Variants in TRAK1 observed in about 807,000 individuals in gnomAD.
TRAK1 encodes the protein trafficking kinesin protein 1, also known as trafficking kinesin-binding protein 1.
TRAK1 carries 33 observed loss-of-function variants against 92.1 expected under a neutral mutation model. The observed-to-expected ratio is 0.36, with a 90% CI of 0.27 to 0.48. The LOEUF (loss-of-function observed/expected upper bound fraction) is 0.48, where lower values mean the gene tolerates loss of function less well. Among genes scored for constraint, TRAK1 ranks in the 20% least tolerant of loss-of-function variants. The pLI is 0.99. For missense variants in TRAK1, 1,123 were observed against 1,257.9 expected (o/e 0.89, Z 1.62); for synonymous variants, 521 against 517.3 (o/e 1.01, Z -0.10).
intron 1 of TRAK1, among the ~76,000 whole-genome samples, chr3:42,065,901 A>T (rs922575129): frequency 1.3e-5 from 2 of 152,128 alleles, no homozygotes; most frequent in African/African-American, 4.8e-5. Flanking sequence ...AAGTGCTGGG[A>T]TTATAGGCTT....
At chr3:42,122,789 G>A (rs1001428249) in intron 1 of TRAK1, among the ~76,000 whole-genome samples, 13 of 152,134 alleles carry the variant, frequency 8.5e-5, no homozygotes, top group African/African-American at 3.1e-4. Flanking sequence ...GCTCTGCCTG[G>A]GGGAGGACAT....
At chr3:42,180,658 G>T (rs990585123) in intron 3 of TRAK1, among the ~76,000 whole-genome samples, 50 of 131,794 alleles carry the variant, frequency 3.8e-4, no homozygotes, top group African/African-American at 1.4e-3. Context: ...CGGCCTAGGC[G>T]ATAGAGTGAG....
At chr3:42,089,628 AC>A (rs995341943), upstream of TRAK1, among the ~76,000 whole-genome samples, 1 of 144,506 alleles carries the variant, frequency 6.9e-6, no homozygotes, top group African/African-American at 2.5e-5. Context: ...TATCCTTATG[AC>A]CCCCTCTTCC....
chr3:42,201,874 GGACA>G lies in TRAK1; in HGVS notation c.1428-558_1428-555del, dbSNP rs1431847691. Among the ~76,000 whole-genome samples, 509 of 51,820 alleles carry G rather than the reference GGACA, an allele frequency of 9.8e-3. 4 individuals carry two copies. Among genetic ancestry groups the G allele is most frequent in the African/African-American group, 0.037 (477 of 12,722 alleles). The allele number at this position is 51,820 out of a possible 152,430, so 34.0% of individuals were successfully genotyped here. On this transcript the variant is annotated intron_variant, in intron 12 of 15. Transcript: ENST00000327628. Reference sequence around the variant, plus strand: ...AACCTGGACGGACGGACGGACGGACGGACAGACGGACACACACACACACACACAC... The same window carrying G: ...AACCTGGACGGACGGACGGACGGACGGACGGACACACACACACACACACAC...
chr3:42,188,145 C>A lies in TRAK1; in HGVS notation c.581C>A (p.Pro194Gln), dbSNP rs760062464. ...GAGCCCGAGTCCGTTTGCTCAACCCCGTAAGTCACCAGAGGGCTGTATTTC... is the reference window on the plus strand; with the variant it reads ...GAGCCCGAGTCCGTTTGCTCAACCCAGTAAGTCACCAGAGGGCTGTATTTC... ...ESEPESVCSTPLKRNESSSSV... is the reference protein window; with the variant it reads ...ESEPESVCSTQLKRNESSSSV... The change falls in exon 5 of 16, where the codon CCG becomes CAG. Residue 194 changes from proline (P) to glutamine (Q), a missense_variant and splice_region_variant. Transcript: ENST00000327628. 6.2e-7 allele frequency: 1 copy of A among 1,614,006 alleles called. No individual in the cohort carries two copies. The highest frequency in any genetic ancestry group is 8.5e-7 in the Non-Finnish European group (1 of 1,179,966).
chr3:42,035,745 C>T (rs1006621733), intron 1 of TRAK1, among the ~76,000 whole-genome samples: 1 of 152,212 alleles, frequency 6.6e-6, no homozygotes. Context: ...TTCGGGAGCT[C>T]CCCATGGGGC....
intron 1 of TRAK1, among the ~76,000 whole-genome samples, chr3:42,022,735 C>A (rs73075252): frequency 0.021 from 405 of 19,588 alleles, no homozygotes; most frequent in Non-Finnish European, 0.1. Flanking sequence ...AAAAAAAAAA[C>A]AAAAACAAAA....
chr3:42,067,857 A>T (rs2148933589), intron 1 of TRAK1, among the ~76,000 whole-genome samples: 1 of 152,178 alleles, frequency 6.6e-6, no homozygotes, highest in Middle Eastern at 3.4e-3. Flanking sequence ...ATTTTCAAAA[A>T]ATGTATTTAT....
chr3:42,061,677 A>G (rs903077027), intron 1 of TRAK1, among the ~76,000 whole-genome samples: 2 of 152,130 alleles, frequency 1.3e-5, no homozygotes, highest in Non-Finnish European at 2.9e-5. Flanking sequence ...GAATTTGGGA[A>G]TGTTCACTTT....
chr3:42,203,213 C>T (rs1707897155), intron 13 of TRAK1: 14 of 1,092,670 alleles, frequency 1.3e-5, no homozygotes, highest in Non-Finnish European at 1.4e-5. Flanking sequence ...TTTTTTTTCC[C>T]CATAACCACC....
chr3:42,021,008 A>G (rs1189720403), intron 1 of TRAK1, among the ~76,000 whole-genome samples: 1 of 152,248 alleles, frequency 6.6e-6, no homozygotes, highest in Admixed American at 6.5e-5. Context: ...CTAAAGGGAC[A>G]GATTCTTGTC....
At position 42,188,098 on chromosome 3, in the gene TRAK1, C is replaced by T. The variant is rs887155650; in HGVS notation, c.534C>T (p.Tyr178=). 13 of 1,614,144 alleles carry T rather than the reference C, an allele frequency of 8.1e-6. No individual in the cohort carries two copies. The highest frequency in any genetic ancestry group is 1.1e-5 in the South Asian group (1 of 91,084). The part of the protein sequence containing the change: ...LSMKDELLQF[Y]TSAAEESEPE... ...TGAAGGATGAGCTGCTTCAGTTCTA[C>T]ACCAGCGCTGCGGAGGAGAGTGAGC... Residue 178 remains tyrosine (Y), a synonymous_variant, in exon 5 of 16, where the codon TAC becomes TAT. Transcript: ENST00000327628.
rs573921397 is a variant in TRAK1 at position 42,222,828 on chromosome 3, C to G, written c.2067-114C>G. 7.3e-6 allele frequency: 8 copies of G among 1,097,286 alleles called. No homozygotes were observed. The Admixed American group carries it at 8.8e-5, about 12-fold the overall frequency. 68.0% of individuals were successfully genotyped at this position (1,097,286 alleles called of 1,614,324 possible). ...CCTTTGGGGGCCTCAGCTGGTGGAA[C>G]CCTCTCATCGTGTCCTGGGTCGTCC... On this transcript the variant is annotated intron_variant, in intron 15 of 15. Transcript: ENST00000327628.
At chr3:42,169,128 G>C (rs1702226168) in intron 2 of TRAK1, among the ~76,000 whole-genome samples, 1 of 136,624 alleles carries the variant, frequency 7.3e-6, no homozygotes, top group Non-Finnish European at 1.6e-5. Context: ...CCAGCAAAGT[G>C]ATCTATTTTC....
chr3:42,143,617 G>A (rs1006898725), intron 2 of TRAK1, among the ~76,000 whole-genome samples: 4 of 152,192 alleles, frequency 2.6e-5, no homozygotes, highest in Admixed American at 6.5e-5. Flanking sequence ...CTAAGGAATG[G>A]CTGACCAGTG....
rs944091186 is a variant in TRAK1, at chr3:42,217,189, G to A, written c.1964-2305G>A. The A allele has an allele frequency of 1.0e-5, 10 of 964,276 alleles. No individual in the cohort carries two copies. In the Admixed American group the frequency reaches 6.2e-4, roughly 60 times the overall value. 59.7% of individuals were successfully genotyped at this position (964,276 alleles called of 1,614,324 possible). Reference sequence around the variant, plus strand: ...TGCTTCTCTGTAGCAAGCATGAGGAGCCTCTGATGATCCCAGTCTTGGGTG... The same window carrying A: ...TGCTTCTCTGTAGCAAGCATGAGGAACCTCTGATGATCCCAGTCTTGGGTG... On this transcript the variant is annotated intron_variant, in intron 14 of 15. Transcript: ENST00000327628.
At chr3:42,212,564 G>A (rs1298398574) in intron 14 of TRAK1, 1 of 973,084 alleles carries the variant, frequency 1.0e-6, no homozygotes, top group East Asian at 1.1e-4. Context: ...TAAAAAGGAT[G>A]AATCCATGTT....
At chr3:42,091,273 G>A, upstream of TRAK1, 3 of 559,594 alleles carry the variant, frequency 5.4e-6, no homozygotes, top group South Asian at 4.9e-5. Flanking sequence ...AGCTGATAGG[G>A]TTCCCAGGCT....
chr3:42,058,686 A>T (rs997805886), intron 1 of TRAK1, among the ~76,000 whole-genome samples: 1 of 152,206 alleles, frequency 6.6e-6, no homozygotes, highest in African/African-American at 2.4e-5. Flanking sequence ...CTCCTGGCTG[A>T]TGCAGGGATC....
Sources: allele counts gnomAD v4.1 joint callset (sites outside exome capture counted in the v4.1 genomes callset), GRCh38; gene constraint gnomAD v4.1.1; transcripts MANE v1.5; gene names NCBI Gene and HGNC (gene_info 2026-07-23, HGNC 2026-07-21).